GRIK2: variants seen among roughly 807,000 people sequenced by gnomAD.
The protein encoded by GRIK2 is glutamate ionotropic receptor kainate type subunit 2.
GRIK2 carries 32 observed loss-of-function variants against 100.3 expected under a neutral mutation model. The observed-to-expected ratio is 0.32, with a 90% CI of 0.24 to 0.43. The LOEUF is 0.43. GRIK2 is among the 20% of genes least tolerant of loss of function. The pLI is 1.00. For missense variants in GRIK2, 843 were observed against 1,114.9 expected, an observed-to-expected ratio of 0.76 and a Z score of 3.47; for synonymous variants, 417 against 389.4, an observed-to-expected ratio of 1.07 and a Z score of -0.83.
chr6:102,000,869 T>A (rs1313540092), intron 14 of GRIK2, among the ~76,000 whole-genome samples: 1 of 152,132 alleles, frequency 6.6e-6, no homozygotes, highest in Non-Finnish European at 1.5e-5. Context: ...TCTATATGTC[T>A]GTTTTCTAGT....
In GRIK2 at chr6:101,982,351, G is replaced by A. The variant is rs1413014901; in HGVS notation, c.2086-52990G>A. Among the ~76,000 whole-genome samples, 4 of 151,906 alleles carry A rather than the reference G, an allele frequency of 2.6e-5. No individual in the cohort carries two copies. The East Asian group carries it at 5.8e-4, about 22-fold the overall frequency. On this transcript the variant is annotated intron_variant, in intron 14 of 16. Transcript: ENST00000369134. ...TTTTCTGGTAAAAATAAAATTATAT[G>A]GAGTTAAGTGACAACTCTGTGCTTT... is the stretch of plus-strand genomic sequence containing the variant.
chr6:101,823,410 C>T (rs1373504510), intron 10 of GRIK2, among the ~76,000 whole-genome samples: 1 of 151,918 alleles, frequency 6.6e-6, no homozygotes, highest in Non-Finnish European at 1.5e-5. Flanking sequence ...ATTTATGGAT[C>T]GTCAACTACA....
intron 15 of GRIK2, among the ~76,000 whole-genome samples, chr6:102,047,765 A>G (rs1458072862): frequency 6.6e-6 from 1 of 151,998 alleles, no homozygotes; most frequent in Non-Finnish European, 1.5e-5. Flanking sequence ...AAAAGAAAAA[A>G]AAAATATTTC....
At chr6:101,835,744 C>T (rs1156319775) in intron 10 of GRIK2, among the ~76,000 whole-genome samples, 9 of 147,712 alleles carry the variant, frequency 6.1e-5, no homozygotes, top group Non-Finnish European at 1.1e-4. Context: ...GGATTACAGC[C>T]GTGAACCATG....
chr6:101,915,757 A>T lies in GRIK2; in HGVS notation c.1749-8844A>T, dbSNP rs907332028. Among the ~76,000 whole-genome samples the T allele has an allele frequency of 6.6e-5, 10 of 151,476 alleles. No homozygotes were observed. The Admixed American group carries it at 6.6e-4, about 10-fold the overall frequency. On this transcript the variant is annotated intron_variant, in intron 12 of 16. Transcript: ENST00000369134. Reference sequence around the variant, plus strand: ...ATTATGTTTGATAATTGTTTATCGTAGACACATACAATGTTTTAAGCTTAC... The same window carrying T: ...ATTATGTTTGATAATTGTTTATCGTTGACACATACAATGTTTTAAGCTTAC...
At chr6:101,972,463 G>C in intron 14 of GRIK2, among the ~76,000 whole-genome samples, 1 of 151,806 alleles carries the variant, frequency 6.6e-6, no homozygotes, top group African/African-American at 2.4e-5. Flanking sequence ...TTTATTGCTT[G>C]TTGATTTATT....
chr6:101,814,629 T>C (rs994476055), intron 9 of GRIK2, among the ~76,000 whole-genome samples: 7 of 152,130 alleles, frequency 4.6e-5, no homozygotes, highest in African/African-American at 1.4e-4. Flanking sequence ...TGGAAAGTTA[T>C]TTGGCAACAT....
chr6:101,993,889 A>G (rs1015349293), intron 14 of GRIK2: 3 of 147,120 alleles, frequency 2.0e-5, no homozygotes, highest in Non-Finnish European at 4.5e-5. Flanking sequence ...GTACATTGAT[A>G]TATATTATAC....
chr6:101,714,738 T>C (rs1773944543), intron 7 of GRIK2, among the ~76,000 whole-genome samples: 1 of 151,802 alleles, frequency 6.6e-6, no homozygotes, highest in African/African-American at 2.4e-5. Context: ...TTTGTAGCTG[T>C]TTTCCTTATT....
chr6:101,909,396 T>TTTTTTTGG (rs1788497593), intron 12 of GRIK2, among the ~76,000 whole-genome samples: 1 of 146,776 alleles, frequency 6.8e-6, no homozygotes, highest in Non-Finnish European at 1.5e-5. Context: ...TTTTTTTTTT[T>TTTTTTTGG]AAAGATCATT....
intron 7 of GRIK2, among the ~76,000 whole-genome samples, chr6:101,752,422 A>G (rs1776849707): frequency 6.6e-6 from 1 of 152,326 alleles, no homozygotes; most frequent in Non-Finnish European, 1.5e-5. Flanking sequence ...TTGTTACATC[A>G]AAACTGTAAT....
intron 2 of GRIK2, among the ~76,000 whole-genome samples, chr6:101,410,387 A>G (rs1775832261): frequency 6.6e-6 from 1 of 152,052 alleles, no homozygotes; most frequent in African/African-American, 2.4e-5. Context: ...GATGTATGGG[A>G]CTTTCCAGTT....
At chr6:101,885,975 G>A (rs932781438) in intron 11 of GRIK2, among the ~76,000 whole-genome samples, 12 of 152,072 alleles carry the variant, frequency 7.9e-5, no homozygotes, top group Non-Finnish European at 1.5e-4. Flanking sequence ...ATTTTAATGA[G>A]TTTTGATAAA....
chr6:101,749,898 C>T (rs756843480), intron 7 of GRIK2, among the ~76,000 whole-genome samples: 8 of 149,894 alleles, frequency 5.3e-5, no homozygotes, highest in South Asian at 2.1e-4. Flanking sequence ...CCTCAACCTC[C>T]GCCTCCCAGG....
intron 7 of GRIK2, among the ~76,000 whole-genome samples, chr6:101,750,719 G>A (rs1464795518): frequency 6.6e-6 from 1 of 151,970 alleles, no homozygotes; most frequent in East Asian, 1.9e-4. Flanking sequence ...TGAATGCTCA[G>A]AGAGAGAGAG....
At chr6:101,772,463 C>T (rs1562373740) in intron 7 of GRIK2, among the ~76,000 whole-genome samples, 1 of 152,128 alleles carries the variant, frequency 6.6e-6, no homozygotes, top group Non-Finnish European at 1.5e-5. Context: ...TACTCCTGGT[C>T]TTCTGAGTTC....
Position 101,542,745 on chromosome 6 carries a change from C to T in GRIK2, c.116-79204C>T, listed in dbSNP as rs111456459. ...ATAACTATGAGCGTGTAAGTGATGT[C>T]ACAGCTCAAGCAGAAAATTAACTAA... On this transcript the variant is annotated intron_variant, in intron 2 of 16. Transcript: ENST00000369134. Among the ~76,000 whole-genome samples the T allele has an allele frequency of 6.6e-5, 10 of 152,102 alleles. 1 individual carries two copies. The highest frequency in any genetic ancestry group is 2.4e-4 in the African/African-American group (10 of 41,528).
chr6:101,767,476 C>A (rs765394936), intron 7 of GRIK2, among the ~76,000 whole-genome samples: 1 of 152,008 alleles, frequency 6.6e-6, no homozygotes, highest in Non-Finnish European at 1.5e-5. Flanking sequence ...TTTTGTTTTA[C>A]ACCTAAATAA....
intron 2 of GRIK2, among the ~76,000 whole-genome samples, chr6:101,525,895 T>C (rs1775127797): frequency 6.6e-6 from 1 of 152,186 alleles, no homozygotes; most frequent in South Asian, 2.1e-4. Flanking sequence ...TTGTAAGGAC[T>C]GTATACTGTG....
Sources: gnomAD v4.1 joint callset for allele counts (sites outside exome capture counted in the v4.1 genomes callset) on GRCh38, gnomAD v4.1.1 for gene constraint, MANE v1.5 for transcripts, NCBI Gene and HGNC (gene_info 2026-07-23, HGNC 2026-07-21) for gene names.